MACROD2: variants seen among roughly 807,000 people sequenced by gnomAD.
The protein encoded by MACROD2 is mono-ADP ribosylhydrolase 2.
A neutral mutation model predicts 70.4 loss-of-function variants in MACROD2; 36 were observed. That is an observed-to-expected ratio of 0.51 (90% CI 0.39 to 0.68). MACROD2 has a LOEUF of 0.68. Among genes scored for constraint, MACROD2 ranks in the 30% least tolerant of loss-of-function variants. The pLI is 0.00. For missense variants in MACROD2, 496 were observed against 538.4 expected, an observed-to-expected ratio of 0.92 and a Z score of 0.78; for synonymous variants, 172 against 178.8, an observed-to-expected ratio of 0.96 and a Z score of 0.30.
chr20:15,533,359 T>C (rs943727122), intron 8 of MACROD2, among the ~76,000 whole-genome samples: 2 of 152,328 alleles, frequency 1.3e-5, no homozygotes, highest in East Asian at 3.9e-4. Flanking sequence ...TTTTAGGCAT[T>C]AGGACAGTGC....
intron 6 of MACROD2, among the ~76,000 whole-genome samples, chr20:15,250,474 G>A (rs961135518): frequency 2.6e-5 from 4 of 152,166 alleles, no homozygotes; most frequent in African/African-American, 9.7e-5. Flanking sequence ...TGATAAATTA[G>A]CATGAGTGCC....
intron 8 of MACROD2, among the ~76,000 whole-genome samples, chr20:15,583,187 A>G (rs905094461): frequency 2.6e-5 from 4 of 152,280 alleles, no homozygotes; most frequent in Admixed American, 2.0e-4. Flanking sequence ...TCTACCTTCA[A>G]TGGCCTGTGC....
chr20:14,518,950 A>G (rs1019111735), intron 4 of MACROD2, among the ~76,000 whole-genome samples: 2 of 152,196 alleles, frequency 1.3e-5, no homozygotes, highest in Non-Finnish European at 2.9e-5. Context: ...AAAGCAGAGA[A>G]AAGATTAAAG....
At chr20:14,594,908 A>G (rs1019702114) in intron 4 of MACROD2, among the ~76,000 whole-genome samples, 1 of 152,284 alleles carries the variant, frequency 6.6e-6, no homozygotes, top group Middle Eastern at 3.4e-3. Context: ...CAAACAAACA[A>G]AAACTAAATA....
chr20:14,328,568 T>C (rs1391035855), intron 3 of MACROD2, among the ~76,000 whole-genome samples: 1 of 152,282 alleles, frequency 6.6e-6, no homozygotes, highest in South Asian at 2.1e-4. Flanking sequence ...TAAAATACTT[T>C]GTTTTTCCTA....
At chr20:14,618,543 C>A (rs6042824) in intron 4 of MACROD2, among the ~76,000 whole-genome samples, 35,846 of 152,082 alleles carry the variant, frequency 0.24, 4,696 homozygotes, top group Non-Finnish European at 0.29. Context: ...TAGCTGCTAT[C>A]TCGGGAATGG....
chr20:15,855,438 TA>T (rs999710224), intron 8 of MACROD2, among the ~76,000 whole-genome samples: 2 of 152,190 alleles, frequency 1.3e-5, no homozygotes, highest in African/African-American at 4.8e-5. Flanking sequence ...GGTCAGCTTG[TA>T]AAGGACTTTT....
At chr20:15,978,527 GCTGA>G (rs1205380676) in intron 13 of MACROD2, among the ~76,000 whole-genome samples, 4 of 151,880 alleles carry the variant, frequency 2.6e-5, no homozygotes, top group African/African-American at 2.4e-5. Context: ...GGCTGCCTCC[GCTGA>G]CTGTGGTGGA....
intron 4 of MACROD2, among the ~76,000 whole-genome samples, chr20:14,594,734 A>G (rs1982005910): frequency 6.6e-6 from 1 of 152,200 alleles, no homozygotes; most frequent in South Asian, 2.1e-4. Flanking sequence ...TCTATTAAAA[A>G]TACAAAAATT....
chr20:14,059,059 C>G (rs1020996513), intron 2 of MACROD2, among the ~76,000 whole-genome samples: 1 of 152,012 alleles, frequency 6.6e-6, no homozygotes, highest in Non-Finnish European at 1.5e-5. Context: ...AACTTTAATT[C>G]TCCTGAAAAC....
chr20:14,895,560 A>G (rs2073818065), intron 5 of MACROD2: 2 of 152,158 alleles, frequency 1.3e-5, no homozygotes, highest in South Asian at 4.1e-4. Flanking sequence ...CATAATGCTA[A>G]ATAAAAATAT....
At chr20:14,557,996 A>G (rs1419782860) in intron 4 of MACROD2, among the ~76,000 whole-genome samples, 1 of 151,904 alleles carries the variant, frequency 6.6e-6, no homozygotes, top group Non-Finnish European at 1.5e-5. Context: ...TGAATGGATA[A>G]ACAAAATATA....
chr20:15,287,762 G>C (rs1361240207), intron 6 of MACROD2, among the ~76,000 whole-genome samples: 1 of 152,188 alleles, frequency 6.6e-6, no homozygotes, highest in East Asian at 1.9e-4. Context: ...AACAATTAGA[G>C]TATGCACTGT....
chr20:14,281,439 T>A (rs2082305428), intron 3 of MACROD2, among the ~76,000 whole-genome samples: 2 of 152,224 alleles, frequency 1.3e-5, no homozygotes, highest in South Asian at 4.1e-4. Context: ...GGATTAACTG[T>A]GTATGGGTAT....
chr20:14,578,950 C>G (rs1010214957), intron 4 of MACROD2, among the ~76,000 whole-genome samples: 1 of 151,580 alleles, frequency 6.6e-6, no homozygotes, highest in East Asian at 2.0e-4. Flanking sequence ...AATGTTCTTC[C>G]CATGTTTCTT....
intron 12 of MACROD2, among the ~76,000 whole-genome samples, chr20:15,955,723 GA>G (rs1032056510): frequency 2.0e-5 from 3 of 151,090 alleles, no homozygotes; most frequent in East Asian, 1.9e-4. Context: ...GGCACACTAA[GA>G]AAAAAAAGGA....
At chr20:15,805,400 A>G (rs2063760125) in intron 8 of MACROD2, among the ~76,000 whole-genome samples, 1 of 151,820 alleles carries the variant, frequency 6.6e-6, no homozygotes, top group Non-Finnish European at 1.5e-5. Context: ...TTTTATCACT[A>G]TTGTTATGGT....
At chr20:15,110,723 T>C (rs1314481565) in intron 5 of MACROD2, among the ~76,000 whole-genome samples, 1 of 152,206 alleles carries the variant, frequency 6.6e-6, no homozygotes. Context: ...CGAGGGACTA[T>C]GCGTGTCTCT....
In MACROD2 at chr20:14,326,929, G is replaced by A; in HGVS notation, c.272-166550G>A. 6.2e-7 allele frequency: 1 copy of A among 1,613,742 alleles called. No homozygotes were observed. Among genetic ancestry groups the A allele is most frequent in the Non-Finnish European group, 8.5e-7 (1 of 1,179,786 alleles). ...TAGACTAGTGAGACCTTGAAGAGATGGTGATGAAATAGTGGATATGCGATT... is the reference window on the plus strand; with the variant it reads ...TAGACTAGTGAGACCTTGAAGAGATAGTGATGAAATAGTGGATATGCGATT... On this transcript the variant is annotated intron_variant, in intron 3 of 17. Coordinates refer to ENST00000684519, the MANE Select transcript of MACROD2 (RefSeq NM_001351661.2). This position sits in a 1 kb window ranked among gnomAD's most constrained non-coding sequence, Gnocchi z 5.5.
Sources: gnomAD v4.1 joint callset for allele counts (sites outside exome capture counted in the v4.1 genomes callset) on GRCh38, gnomAD v4.1.1 for gene constraint, Gnocchi (gnomAD v3.1) non-coding constraint, MANE v1.5 for transcripts, NCBI Gene and HGNC (gene_info 2026-07-23, HGNC 2026-07-21) for gene names.